The following TESMIN variants were observed in gnomAD, a reference collection of about 807,000 sequenced individuals.
The protein encoded by TESMIN is CXC domain containing 2.
Under a neutral mutation model 47.4 loss-of-function variants are expected in TESMIN, and 34 were observed. That is an observed-to-expected ratio of 0.72 (90% confidence interval 0.55 to 0.96). The LOEUF (loss-of-function observed/expected upper bound fraction) is 0.96. TESMIN is among the 40% of genes least tolerant of loss of function. TESMIN has a pLI of 0.00. For missense variants in TESMIN, 610 were observed against 637.2 expected (o/e 0.96, Z 0.46); for synonymous variants, 278 against 258.9 (o/e 1.07, Z -0.71).
chr11:68,731,604 G>A (rs915672058), intron 6 of TESMIN, among the ~76,000 whole-genome samples: 1 of 152,158 alleles, frequency 6.6e-6, no homozygotes, highest in African/African-American at 2.4e-5. Flanking sequence ...TTAGTTGCGG[G>A]GAATAAAAAG....
chr11:68,736,995 T>A lies in TESMIN; in HGVS notation c.917+1705A>T, dbSNP rs1272165096. 3.0e-6 allele frequency: 3 copies of A among 985,264 alleles called. No homozygotes were observed. In the African/African-American group the frequency reaches 5.2e-5, roughly 17 times the overall value. 61.0% of individuals were successfully genotyped at this position (985,264 alleles called of 1,614,324 possible). ...GCACGCAATTAAAGTATGAGAAGTA[T>A]CAAATGTCCTTGAATGTTCTAGACA... On this transcript the variant is annotated intron_variant, in intron 6 of 9. Coordinates refer to ENST00000255087, the MANE Select transcript of TESMIN (RefSeq NM_004923.3).
At chr11:68,731,394 C>T (rs1946325166) in intron 6 of TESMIN, among the ~76,000 whole-genome samples, 2 of 151,606 alleles carry the variant, frequency 1.3e-5, no homozygotes, top group Non-Finnish European at 2.9e-5. Flanking sequence ...AGCCACTGCA[C>T]ACCAGCCTGG....
intron 4 of TESMIN, 100 bp from the exon 5 acceptor site, chr11:68,742,494 G>A: frequency 1.5e-6 from 1 of 649,292 alleles, no homozygotes; most frequent in Admixed American, 3.4e-5. Context: ...CATGTCCTGT[G>A]CAAAGTTATT....
At chr11:68,736,781 G>T in intron 6 of TESMIN, 3 of 970,442 alleles carry the variant, frequency 3.1e-6, no homozygotes, top group Non-Finnish European at 3.7e-6. Context: ...AGAGCAGGGG[G>T]AGGAGAACAA....
At chr11:68,748,697 CATTTT>C (rs1442750281) in intron 2 of TESMIN, among the ~76,000 whole-genome samples, 1 of 152,154 alleles carries the variant, frequency 6.6e-6, no homozygotes, top group African/African-American at 2.4e-5. Context: ...GTATCTGGTC[CATTTT>C]ATTAATGAAT....
At chr11:68,733,017 T>G (rs1946347004) in intron 6 of TESMIN, 1 of 152,120 alleles carries the variant, frequency 6.6e-6, no homozygotes, top group Non-Finnish European at 1.5e-5. Flanking sequence ...TAGGCAGACA[T>G]AAGAGCAGAA....
At chr11:68,743,186 T>C (rs1946478923) in intron 4 of TESMIN, among the ~76,000 whole-genome samples, 1 of 151,736 alleles carries the variant, frequency 6.6e-6, no homozygotes, top group South Asian at 2.1e-4. Context: ...TGGTATTTTA[T>C]GATTTTAAAG....
intron 6 of TESMIN, among the ~76,000 whole-genome samples, chr11:68,728,351 T>C (rs1336165627): frequency 6.6e-6 from 1 of 152,208 alleles, no homozygotes; most frequent in East Asian, 1.9e-4. Flanking sequence ...AGCAAGGCCC[T>C]AATGCTTGTC....
intron 3 of TESMIN, among the ~76,000 whole-genome samples, chr11:68,746,622 G>A (rs915130113): frequency 6.6e-6 from 1 of 152,178 alleles, no homozygotes; most frequent in African/African-American, 2.4e-5. Context: ...TCCTTGCCAC[G>A]TGAGATCTGG....
downstream of TESMIN, among the ~76,000 whole-genome samples, chr11:68,706,296 C>A (rs975551360): frequency 2.0e-5 from 3 of 152,190 alleles, no homozygotes; most frequent in Non-Finnish European, 2.9e-5. Context: ...GCCGGAAGAC[C>A]CTGCAGGGCT....
chr11:68,721,690 T>C (rs2153991210), intron 6 of TESMIN, among the ~76,000 whole-genome samples: 1 of 152,302 alleles, frequency 6.6e-6, no homozygotes, highest in East Asian at 1.9e-4. Context: ...GAATCTGTGT[T>C]TTTTCCTTCA....
Position 68,750,428 on chromosome 11 carries a change from T to A in TESMIN, c.233A>T (p.Gln78Leu). Residue 78 changes from glutamine (Q) to leucine (L), a missense_variant, in exon 2 of 10, where the codon CAG becomes CTG. Coordinates refer to ENST00000255087, the MANE Select transcript of TESMIN (RefSeq NM_004923.3). ...GCCCCCCGCGAGCTTCGCCTTGACC[T>A]GGCCCTTGCAGTCGGCGCCCAGCGC... is the stretch of plus-strand genomic sequence containing the variant. ...NPALGADCKG[Q>L]VKAKLAGGDS... The A allele has an allele frequency of 6.4e-7, 1 of 1,559,968 alleles. No individual in the cohort carries two copies. Among genetic ancestry groups the A allele is most frequent in the East Asian group, 2.4e-5 (1 of 42,152 alleles).
chr11:68,712,618 G>A (rs1163813773), intron 8 of TESMIN, among the ~76,000 whole-genome samples: 1 of 152,212 alleles, frequency 6.6e-6, no homozygotes, highest in Non-Finnish European at 1.5e-5. Flanking sequence ...AAAGAGAGGT[G>A]AAACTGCGAC....
chr11:68,705,261 C>A (rs1945987481), downstream of TESMIN, among the ~76,000 whole-genome samples: 1 of 152,238 alleles, frequency 6.6e-6, no homozygotes, highest in South Asian at 2.1e-4. Flanking sequence ...CTGCTCTGAT[C>A]ATTTTATCTT....
At chr11:68,748,239 C>T (rs1260320231) in intron 2 of TESMIN, among the ~76,000 whole-genome samples, 2 of 152,190 alleles carry the variant, frequency 1.3e-5, no homozygotes, top group Non-Finnish European at 2.9e-5. Context: ...GCTTGTCCAG[C>T]CCAATAAAAT....
chr11:68,743,603 A>G (rs1322146969), intron 4 of TESMIN, among the ~76,000 whole-genome samples: 2 of 152,100 alleles, frequency 1.3e-5, no homozygotes, highest in Non-Finnish European at 2.9e-5. Context: ...TTGTTTGGAT[A>G]TAAATACTTA....
intron 5 of TESMIN, among the ~76,000 whole-genome samples, chr11:68,739,832 A>C (rs531001330): frequency 6.6e-6 from 1 of 152,352 alleles, no homozygotes; most frequent in South Asian, 2.1e-4. Context: ...TGGACACCTA[A>C]TTGTTAGGCC....
intron 9 of TESMIN, among the ~76,000 whole-genome samples, chr11:68,709,049 C>T (rs566204793): frequency 5.5e-5 from 8 of 145,114 alleles, no homozygotes; most frequent in South Asian, 4.4e-4. Flanking sequence ...CCACACCCGG[C>T]GGAGACCCTG....
intron 7 of TESMIN, among the ~76,000 whole-genome samples, chr11:68,713,727 T>G (rs1594285327): frequency 6.6e-6 from 1 of 152,168 alleles, no homozygotes; most frequent in East Asian, 1.9e-4. Context: ...ATCCAGCATT[T>G]CTGGGGCCCT....
Sources: gnomAD v4.1 joint callset for allele counts (sites outside exome capture counted in the v4.1 genomes callset) on GRCh38, gnomAD v4.1.1 for gene constraint, MANE v1.5 for transcripts, NCBI Gene and HGNC (gene_info 2026-07-23, HGNC 2026-07-21) for gene names.